Variants in PAX3 observed in about 807,000 individuals in gnomAD.
PAX3 encodes the protein paired box protein Pax-3.
A neutral mutation model predicts 51.6 loss-of-function variants in PAX3; 14 were observed. That is an observed-to-expected ratio of 0.27 (90% CI 0.18 to 0.42). The LOEUF (loss-of-function observed/expected upper bound fraction) is 0.42, where lower values mean the gene tolerates loss of function less well. Among genes scored for constraint, PAX3 ranks in the 10% least tolerant of loss-of-function variants. The probability of loss-of-function intolerance (pLI) is 1.00; values close to 1 mark genes in which losing one functional copy is unlikely to be tolerated. For missense variants in PAX3, 540 were observed against 642.8 expected, an observed-to-expected ratio of 0.84 and a Z score of 1.73; for synonymous variants, 280 against 253.4, an observed-to-expected ratio of 1.11 and a Z score of -1.00.
intron 4 of PAX3, among the ~76,000 whole-genome samples, chr2:222,265,375 T>A (rs1357419836): frequency 6.6e-6 from 1 of 152,136 alleles, no homozygotes; most frequent in East Asian, 1.9e-4. Flanking sequence ...TGGAGCAAGA[T>A]TTTTCTTCTC....
chr2:222,275,150 T>C lies in PAX3; in HGVS notation c.586+19017A>G, dbSNP rs45474395. On this transcript the variant is annotated intron_variant, in intron 4 of 8. Transcript: ENST00000392070. ...CAATATATTTGATCTGAGTACAGGA[T>C]AATCACTAAGAAAAATAGAGACAAA... 9.3e-3 allele frequency among the ~76,000 whole-genome samples: 1,424 copies of C among 152,300 alleles called. 14 individuals carry two copies. Among genetic ancestry groups the C allele is most frequent in the African/African-American group, 0.024 (1,004 of 41,578 alleles).
rs113933167 is a variant in PAX3 at position 222,250,638 on chromosome 2, G to C, written c.587-18355C>G. On this transcript the variant is annotated intron_variant, in intron 4 of 8. Transcript: ENST00000392070. The stretch of plus-strand genomic sequence containing the variant: ...AAAAAAGAATGTTTTTGGTTAGATT[G>C]GTTGGTTATTTCAAGGACAAGGGCT... 8.5e-3 allele frequency among the ~76,000 whole-genome samples: 1,292 copies of C among 152,184 alleles called. 17 individuals are homozygous for C. Among genetic ancestry groups the C allele is most frequent in the Non-Finnish European group, 0.013 (882 of 67,996 alleles).
At chr2:222,267,601 T>A (rs1694097917) in intron 4 of PAX3, among the ~76,000 whole-genome samples, 1 of 152,190 alleles carries the variant, frequency 6.6e-6, no homozygotes, top group Non-Finnish European at 1.5e-5. Flanking sequence ...AAATTACATT[T>A]TTATTATTAT....
At chr2:222,238,047 C>T (rs1692865321) in intron 4 of PAX3, among the ~76,000 whole-genome samples, 1 of 152,124 alleles carries the variant, frequency 6.6e-6, no homozygotes, top group East Asian at 1.9e-4. Flanking sequence ...TGTTAGTTAT[C>T]CTAATCATCT....
rs181397145 is a variant in PAX3 at position 222,201,051 on chromosome 2, A to G, written c.*357T>C. On this transcript the variant is annotated 3_prime_UTR_variant, in exon 9 of 9. Transcript: ENST00000392070. ...AATCTCAATACACACACACACACAC[A>G]CACGCACGCACGCACACAAGCAAAT... The G allele has an allele frequency of 7.3e-5, 72 of 983,630 alleles. 1 individual carries two copies. Among genetic ancestry groups the G allele is most frequent in the Admixed American group, 1.8e-4 (9 of 49,326 alleles). 60.9% of individuals were successfully genotyped at this position (983,630 alleles called of 1,614,324 possible). A position where few individuals can be genotyped will look rare whatever the true frequency, so the allele number is the denominator to read the frequency against.
At chr2:222,221,597 C>A in intron 5 of PAX3, 1 of 535,184 alleles carries the variant, frequency 1.9e-6, no homozygotes, top group South Asian at 2.0e-5. Flanking sequence ...CAGGGACCCA[C>A]CATGATCTTG....
At chr2:222,217,628 C>CAGTT (rs5838936) in intron 7 of PAX3, among the ~76,000 whole-genome samples, 147,613 of 152,152 alleles carry the variant, frequency 0.97, 71,640 homozygotes, top group East Asian at 1. Context: ...TAGTTATTCT[C>CAGTT]AGCATAACAC....
Position 222,202,192 on chromosome 2 carries a change from TA to T in PAX3, c.1174-3del, listed in dbSNP as rs749733628. Reference sequence around the variant, plus strand: ...GTGGTTGGTCAGGAGTCCCATTACCTAAAAAAACAGCCAGATTGGGAAGAGG... The same window carrying T: ...GTGGTTGGTCAGGAGTCCCATTACCTAAAAAACAGCCAGATTGGGAAGAGG... On this transcript the variant is annotated splice_region_variant and splice_polypyrimidine_tract_variant and intron_variant, in intron 7 of 8. Coordinates refer to ENST00000392070, the MANE Select transcript of PAX3 (RefSeq NM_181458.4). 37 of 1,581,258 alleles carry T rather than the reference TA, an allele frequency of 2.3e-5. No homozygotes were observed. The Middle Eastern group carries it at 1.2e-3, about 51-fold the overall frequency.
chr2:222,288,342 G>A (rs2106186368), intron 4 of PAX3, among the ~76,000 whole-genome samples: 1 of 152,222 alleles, frequency 6.6e-6, no homozygotes, highest in Middle Eastern at 3.4e-3. Flanking sequence ...AATTCTTAGT[G>A]TAATAAATAA....
At chr2:222,220,076 T>G in intron 7 of PAX3, 64 bp downstream of exon 7, 1 of 1,378,452 alleles carries the variant, frequency 7.3e-7, no homozygotes, top group Non-Finnish European at 1.0e-6. Flanking sequence ...CACTACTGCC[T>G]CAGGGAATTG....
At chr2:222,296,947 G>A in intron 2 of PAX3, 31 bp downstream of exon 2, 1 of 1,567,196 alleles carries the variant, frequency 6.4e-7, no homozygotes, top group Non-Finnish European at 8.7e-7. Context: ...CCACAGTCTG[G>A]GAGCCAGGAG....
At chr2:222,240,264 A>C (rs1692961821) in intron 4 of PAX3, among the ~76,000 whole-genome samples, 1 of 152,086 alleles carries the variant, frequency 6.6e-6, no homozygotes, top group South Asian at 2.1e-4. Flanking sequence ...GTGTTTGTTT[A>C]AGATAAGGGC....
At chr2:222,262,455 T>C (rs543626835) in intron 4 of PAX3, 1 of 152,296 alleles carries the variant, frequency 6.6e-6, no homozygotes, top group South Asian at 2.1e-4. Flanking sequence ...GAAAAATTTA[T>C]AATAAAATGA....
rs1447699733 is a variant in PAX3 at position 222,200,897 on chromosome 2, T to C, written c.*511A>G. 3 of 507,128 alleles carry C rather than the reference T, an allele frequency of 5.9e-6. No individual in the cohort carries two copies. Among genetic ancestry groups the C allele is most frequent in the African/African-American group, 5.7e-5 (3 of 52,408 alleles). The allele number at this position is 507,128 out of a possible 1,614,324, so 31.4% of individuals were successfully genotyped here. On this transcript the variant is annotated 3_prime_UTR_variant, in exon 9 of 9. Coordinates refer to ENST00000392070, the MANE Select transcript of PAX3 (RefSeq NM_181458.4). ...CCAGTGTGTAAGAGTCAAGGATTCC[T>C]CCATTCTTGCTTCATGAAATGAGCA...
chr2:222,270,793 A>T (rs540980705), intron 4 of PAX3, among the ~76,000 whole-genome samples: 47 of 152,368 alleles, frequency 3.1e-4, no homozygotes, highest in African/African-American at 1.1e-3. Flanking sequence ...AGTTTCTCCC[A>T]TACTAGTCTT....
chr2:222,261,161 A>C (rs780653472), intron 4 of PAX3, among the ~76,000 whole-genome samples: 1 of 152,208 alleles, frequency 6.6e-6, no homozygotes, highest in Non-Finnish European at 1.5e-5. Flanking sequence ...AAATTATATC[A>C]GCAAACAACG....
At chr2:222,208,704 G>C (rs974829838) in intron 7 of PAX3, among the ~76,000 whole-genome samples, 3 of 152,158 alleles carry the variant, frequency 2.0e-5, no homozygotes, top group African/African-American at 7.2e-5. Flanking sequence ...AATCCAGTCT[G>C]AGAACATGAC....
At chr2:222,260,565 G>GTTTTTTTTTTTGTTTTTTTTTTTTTTTTT (rs1693810480) in intron 4 of PAX3, among the ~76,000 whole-genome samples, 1 of 55,848 alleles carries the variant, frequency 1.8e-5, no homozygotes, top group African/African-American at 6.1e-5. Flanking sequence ...TTTTTTTTTT[G>GTTTTTTTTTTTGTTTTTTTTTTTTTTTTT]TTTTTTTTTT....
chr2:222,298,456 C>A (rs1695423968), intron 1 of PAX3, 75 bp downstream of exon 1: 3 of 1,266,510 alleles, frequency 2.4e-6, no homozygotes, highest in Non-Finnish European at 3.4e-6. Context: ...AAGGAGCCTG[C>A]GGAGCCTGGG....
Sources: gnomAD v4.1 joint callset for allele counts (sites outside exome capture counted in the v4.1 genomes callset) on GRCh38, gnomAD v4.1.1 for gene constraint, MANE v1.5 for transcripts, NCBI Gene and HGNC (gene_info 2026-07-23, HGNC 2026-07-21) for gene names.